FDXR: variants seen among roughly 807,000 people sequenced by gnomAD.
FDXR encodes the protein ferredoxin reductase, also known as NADPH:adrenodoxin oxidoreductase, mitochondrial.
Under a neutral mutation model 58.3 loss-of-function variants are expected in FDXR, and 38 were observed. That is an observed-to-expected ratio of 0.65 (90% confidence interval 0.50 to 0.85). FDXR has a LOEUF of 0.85. Ranked by LOEUF, FDXR falls within the 40% of genes least tolerant of loss-of-function variation. The pLI is 0.00. For missense variants in FDXR, 624 were observed against 671.0 expected (o/e 0.93, Z 0.77); for synonymous variants, 275 against 273.8 (o/e 1.00, Z -0.04).
At chr17:74,867,168 G>A (rs571884249) in intron 2 of FDXR, among the ~76,000 whole-genome samples, 42 of 151,916 alleles carry the variant, frequency 2.8e-4, no homozygotes, top group African/African-American at 9.7e-4. Flanking sequence ...TTAGCTGAGC[G>A]TGGTGGTAGG....
intron 2 of FDXR, among the ~76,000 whole-genome samples, chr17:74,870,842 G>A (rs1201880127): frequency 4.0e-5 from 5 of 124,406 alleles, no homozygotes; most frequent in South Asian, 2.7e-4. Context: ...TCACTCTGTC[G>A]CCCAGGCTGG....
Position 74,872,910 on chromosome 17 carries a change from G to C in FDXR, c.35C>G (p.Ser12Trp). The C allele has an allele frequency of 6.4e-7, 1 of 1,554,906 alleles. No homozygotes were observed. The highest frequency in any genetic ancestry group is 8.7e-7 in the Non-Finnish European group (1 of 1,149,978). Residue 12 changes from serine (S) to tryptophan (W), a missense_variant, in exon 1 of 12, where the codon TCG becomes TGG. Transcript: ENST00000293195. ...AGGCAGCCGGGTCCGAGGCCACGCCGACCAGCCCCACCAGCGCCAGCAGCG... is the reference window on the plus strand; with the variant it reads ...AGGCAGCCGGGTCCGAGGCCACGCCCACCAGCCCCACCAGCGCCAGCAGCG... The part of the protein sequence containing the change: ...ASRCWRWWGW[S>W]AWPRTRLPPA...
rs963364636 is a variant in FDXR, at chr17:74,863,178, A to G, written c.1243T>C (p.Phe415Leu). 1.2e-6 allele frequency: 2 copies of G among 1,613,940 alleles called. No homozygotes were observed. The highest frequency in any genetic ancestry group is 1.7e-6 in the Non-Finnish European group (2 of 1,180,000). The change falls in exon 11 of 12, where the codon TTC becomes CTC. Residue 415 changes from phenylalanine (F) to leucine (L), a missense_variant. By Grantham distance (22) the Phe-to-Leu change is conservative (BLOSUM62 0). Coordinates refer to ENST00000293195, the MANE Select transcript of FDXR (RefSeq NM_024417.5). ...TGCAGCAGCATCTGGCCGGTGAGGA[A>G]GCTGTCAGTCATGGTTGTGGCTATG... ...GVIATTMTDS[F>L]LTGQMLLQDL...
intron 2 of FDXR, chr17:74,868,334 G>C: frequency 1.6e-6 from 1 of 619,806 alleles, no homozygotes. Flanking sequence ...CTGTCCAAAA[G>C]AAGAGCCCTG....
rs746364915 is a variant in FDXR, at chr17:74,863,968, C to T, written c.1102G>A (p.Asp368Asn). Residue 368 changes from aspartate (D) to asparagine (N), a missense_variant, in exon 10 of 12, where the codon GAC becomes AAC. Physicochemically the swap from Asp to Asn is conservative, Grantham distance 23 (BLOSUM62 1). Transcript: ENST00000293195. ...SSIGYKSRPV[D>N]PSVPFDSKLG... ...TTGGAGTCAAAGGGCACGCTTGGGT[C>T]GACAGGGCGGCTCTTATACCCAATG... 6 of 1,614,008 alleles carry T rather than the reference C, an allele frequency of 3.7e-6. No homozygotes were observed. Among genetic ancestry groups the T allele is most frequent in the African/African-American group, 1.3e-5 (1 of 74,934 alleles).
In FDXR at chr17:74,870,963, T is replaced by C. The variant is rs577865830; in HGVS notation, c.177+1073A>G. On this transcript the variant is annotated intron_variant, in intron 2 of 11. Transcript: ENST00000293195. ...GACTACAGACCTGTGCCACCACACGTGGCTGATTTTTCTATTTTTAGTAGA... is the reference window on the plus strand; with the variant it reads ...GACTACAGACCTGTGCCACCACACGCGGCTGATTTTTCTATTTTTAGTAGA... 3.9e-5 allele frequency among the ~76,000 whole-genome samples: 6 copies of C among 152,040 alleles called. No homozygotes were observed. In the East Asian group the frequency reaches 5.8e-4, roughly 15 times the overall value.
intron 2 of FDXR, chr17:74,868,572 C>A: frequency 6.5e-7 from 1 of 1,535,512 alleles, no homozygotes; most frequent in Non-Finnish European, 8.7e-7. Context: ...CCATTCTTTC[C>A]TGCGACAGAT....
rs2038164885 is a variant in FDXR, at chr17:74,865,959, T to TC, written c.508-140dup. 9 of 859,434 alleles carry TC rather than the reference T, an allele frequency of 1.0e-5. No homozygotes were observed. In the Admixed American group the frequency reaches 1.9e-4, roughly 18 times the overall value. 53.2% of individuals were successfully genotyped at this position (859,434 alleles called of 1,614,324 possible). A position where few individuals can be genotyped will look rare whatever the true frequency, so the allele number is the denominator to read the frequency against. ...GAAAGTCCACAACTCTGGTCCCTCC[T>TC]CCCCCACCTGGACCCAGCTCTCCCC... On this transcript the variant is annotated intron_variant, in intron 5 of 11. Transcript: ENST00000293195.
chr17:74,865,918 G>C (rs941665941), intron 5 of FDXR, 98 bp from the exon 6 acceptor site: 1 of 1,034,316 alleles, frequency 9.7e-7, no homozygotes, highest in Non-Finnish European at 1.5e-6. Flanking sequence ...TGTGCCCTGG[G>C]GCTTCCCCAC....
At position 74,872,877 on chromosome 17, in the gene FDXR, C is replaced by T. The variant is rs2038420710; in HGVS notation, c.68G>A (p.Gly23Glu). ...AWPRTRLPPA[G>E]STPSFCHHFS... is the part of the protein sequence containing the mutation. ...CGCCCTGCTCCTACTCGGGGTGCTC[C>T]CGGCGGGAGGCAGCCGGGTCCGAGG... is the stretch of plus-strand genomic sequence containing the variant. Residue 23 changes from glycine (G) to glutamate (E), a missense_variant, in exon 1 of 12, where the codon GGG becomes GAG. Coordinates refer to ENST00000293195, the MANE Select transcript of FDXR (RefSeq NM_024417.5). 3.9e-6 allele frequency: 6 copies of T among 1,548,538 alleles called. No individual in the cohort carries two copies. In the Admixed American group the frequency reaches 9.8e-5, roughly 25 times the overall value.
rs759291305 is a variant in FDXR at position 74,863,255 on chromosome 17, G to C, written c.1175-9C>G. 1 of 1,608,672 alleles carries C rather than the reference G, an allele frequency of 6.2e-7. No individual in the cohort carries two copies. Among genetic ancestry groups the C allele is most frequent in the East Asian group, 2.2e-5 (1 of 44,710 alleles). The stretch of plus-strand genomic sequence containing the variant: ...GCCGCTGCAGTAGAGGCCTGAGAGG[G>C]GGTAACAAAAGGGGAAGGGAGGGAG... On this transcript the variant is annotated splice_polypyrimidine_tract_variant and intron_variant, in intron 10 of 11. Transcript: ENST00000293195.
chr17:74,872,245 G>T (rs1465804857), intron 1 of FDXR, 112 bp from the exon 2 acceptor site: 2 of 1,542,938 alleles, frequency 1.3e-6, no homozygotes, highest in Admixed American at 2.0e-5. Flanking sequence ...ACCCTCACCT[G>T]CATCCTCCTT....
At chr17:74,872,385 C>G (rs1339352924) in intron 1 of FDXR, 1 of 937,784 alleles carries the variant, frequency 1.1e-6, no homozygotes, top group Non-Finnish European at 1.6e-6. Context: ...GCCTGCCCAA[C>G]AACACTTCAT....
At chr17:74,870,748 T>C (rs2038349058) in intron 2 of FDXR, among the ~76,000 whole-genome samples, 1 of 144,276 alleles carries the variant, frequency 6.9e-6, no homozygotes, top group African/African-American at 2.5e-5. Flanking sequence ...TGGGAGGCCC[T>C]CACCAAAGCC....
intron 1 of FDXR, 140 bp from the exon 2 acceptor site, chr17:74,872,273 T>C: frequency 1.3e-6 from 2 of 1,537,900 alleles, no homozygotes; most frequent in Non-Finnish European, 1.7e-6. Flanking sequence ...TCCTCAAGGC[T>C]TTGGCATTTG....
intron 2 of FDXR, among the ~76,000 whole-genome samples, chr17:74,871,773 G>T (rs543067306): frequency 6.6e-6 from 1 of 152,280 alleles, no homozygotes; most frequent in East Asian, 1.9e-4. Flanking sequence ...CCCCTGGAGT[G>T]CTTGGCCAGG....
At chr17:74,870,847 G>C (rs1040136821) in intron 2 of FDXR, among the ~76,000 whole-genome samples, 3 of 130,076 alleles carry the variant, frequency 2.3e-5, no homozygotes, top group African/African-American at 8.8e-5. Flanking sequence ...CTGTCGCCCA[G>C]GCTGGAGTAC....
At chr17:74,867,641 T>C (rs1352648015) in intron 2 of FDXR, among the ~76,000 whole-genome samples, 2 of 152,002 alleles carry the variant, frequency 1.3e-5, no homozygotes, top group African/African-American at 4.8e-5. Context: ...GAGGTGGAAA[T>C]GGGCCTGCTC....
At chr17:74,864,779 C>T (rs370506060) in intron 7 of FDXR, 45 bp downstream of exon 7, 24 of 1,612,682 alleles carry the variant, frequency 1.5e-5, no homozygotes, top group Non-Finnish European at 1.8e-5. Flanking sequence ...AAGGAGAGGC[C>T]CCCTCCACCT....
Sources: gnomAD v4.1 joint callset for allele counts (sites outside exome capture counted in the v4.1 genomes callset) on GRCh38, gnomAD v4.1.1 for gene constraint, MANE v1.5 for transcripts, NCBI Gene and HGNC (gene_info 2026-07-23, HGNC 2026-07-21) for gene names.